Variants in PDE11A observed in about 807,000 individuals in gnomAD.
PDE11A encodes dual 3',5'-cyclic-AMP and -GMP phosphodiesterase 11A.
In PDE11A, 100 loss-of-function variants were observed where a neutral mutation model predicts 100.5. The observed-to-expected ratio is 1.00, with a 90% CI of 0.85 to 1.18. PDE11A has a LOEUF of 1.18. Ranked by LOEUF, PDE11A falls within the 50% of genes most tolerant of loss-of-function variation. The probability of loss-of-function intolerance (pLI) is 0.00; values close to 1 mark genes in which losing one functional copy is unlikely to be tolerated. For synonymous variants in PDE11A, 381 were observed against 420.8 expected, an observed-to-expected ratio of 0.91 and a Z score of 1.16; for missense variants, 1,141 against 1,152.6, an observed-to-expected ratio of 0.99 and a Z score of 0.15.
chr2:177,769,361 G>T lies in PDE11A; in HGVS notation c.1750C>A (p.His584Asn). 6.3e-7 allele frequency: 1 copy of T among 1,586,668 alleles called. No individual in the cohort carries two copies. The highest frequency in any genetic ancestry group is 8.7e-7 in the Non-Finnish European group (1 of 1,155,308). The change falls in exon 10 of 20, where the codon CAT becomes AAT. Residue 584 changes from histidine (H) to asparagine (N), a missense_variant. Physicochemically the swap from His to Asn is moderately conservative, Grantham distance 68. Coordinates refer to ENST00000286063, the MANE Select transcript of PDE11A (RefSeq NM_016953.4). ...QSVALDVLSYHATCSKAEVDK... is the reference protein window; with the variant it reads ...QSVALDVLSYNATCSKAEVDK... ...ACTTCAGCTTTTGAACATGTTGCAT[G>T]GTATGATAGCACCTGATTCAGAAGA... is the stretch of plus-strand genomic sequence containing the variant.
intron 10 of PDE11A, among the ~76,000 whole-genome samples, chr2:177,735,995 C>A (rs2081773850): frequency 6.6e-6 from 1 of 152,212 alleles, no homozygotes; most frequent in South Asian, 2.1e-4. Flanking sequence ...TCAGTGTTTC[C>A]TTTTCCCTTT....
At chr2:177,912,578 C>A (rs774653137) in intron 2 of PDE11A, among the ~76,000 whole-genome samples, 5 of 152,122 alleles carry the variant, frequency 3.3e-5, no homozygotes, top group Non-Finnish European at 5.9e-5. Flanking sequence ...TGTCTGGGGG[C>A]AGTTTTTAAT....
chr2:178,018,177 G>A lies in PDE11A; in HGVS notation c.913-3717C>T, dbSNP rs149129210. 8.7e-3 allele frequency: 2,793 copies of A among 321,516 alleles called. 26 individuals are homozygous for A. Among genetic ancestry groups the A allele is most frequent in the Non-Finnish European group, 0.012 (1,883 of 163,000 alleles). The allele number at this position is 321,516 out of a possible 1,614,324, so 19.9% of individuals were successfully genotyped here. A position where few individuals can be genotyped will look rare whatever the true frequency, so the allele number is the denominator to read the frequency against. ...GCCGCCATTCTGTTTCCAAGGCTGC[G>A]TCTGTCCACTGGACTGGTGACGGGG... On this transcript the variant is annotated intron_variant, in intron 1 of 19. Coordinates refer to ENST00000286063, the MANE Select transcript of PDE11A (RefSeq NM_016953.4).
chr2:178,072,310 CTG>C lies in PDE11A; in HGVS notation c.126_127del (p.His42GlnfsTer97), dbSNP rs1416120269. 3.7e-6 allele frequency: 6 copies of C among 1,614,156 alleles called. No individual in the cohort carries two copies. In the African/African-American group the frequency reaches 4.0e-5, roughly 11 times the overall value. On this transcript the variant is annotated frameshift_variant, in exon 1 of 20. Transcript: ENST00000286063. LOFTEE classifies it high-confidence loss of function. ...TGGACCTAAAGCCCCCTGACCCTGA[CTG>C]TGCCTCTGCAGCCACTTTTCAACCA...
intron 2 of PDE11A, among the ~76,000 whole-genome samples, chr2:177,907,595 G>A (rs147536910): frequency 6.6e-6 from 1 of 152,276 alleles, no homozygotes; most frequent in African/African-American, 2.4e-5. Flanking sequence ...AATTCTCTAT[G>A]GATATTTTAT....
At chr2:177,780,109 G>T (rs2082433352) in intron 9 of PDE11A, among the ~76,000 whole-genome samples, 1 of 152,168 alleles carries the variant, frequency 6.6e-6, no homozygotes, top group Admixed American at 6.5e-5. Context: ...GTAATATTTT[G>T]AAAGGAATCT....
intron 10 of PDE11A, among the ~76,000 whole-genome samples, chr2:177,733,343 T>C (rs1440632086): frequency 6.6e-6 from 1 of 152,202 alleles, no homozygotes; most frequent in Non-Finnish European, 1.5e-5. Context: ...GGAGCTAATT[T>C]GAATAATGTT....
At chr2:177,949,240 A>G (rs1038091943) in intron 2 of PDE11A, among the ~76,000 whole-genome samples, 3 of 151,984 alleles carry the variant, frequency 2.0e-5, no homozygotes, top group Non-Finnish European at 4.4e-5. Context: ...CTGTTACACA[A>G]TCACTTCTAT....
At chr2:177,868,925 T>C (rs991998238) in intron 5 of PDE11A, among the ~76,000 whole-genome samples, 3 of 152,250 alleles carry the variant, frequency 2.0e-5, no homozygotes, top group African/African-American at 7.2e-5. Flanking sequence ...TGCAGATACA[T>C]GTCTAAAAAT....
intron 1 of PDE11A, 106 bp from the exon 2 acceptor site, chr2:178,014,566 C>T: frequency 1.2e-6 from 1 of 844,228 alleles, no homozygotes; most frequent in Non-Finnish European, 2.0e-6. Context: ...GGAACTAGCC[C>T]CATGAATTTT....
intron 1 of PDE11A, among the ~76,000 whole-genome samples, chr2:178,070,396 C>T (rs1198566630): frequency 1.3e-5 from 2 of 152,084 alleles, no homozygotes; most frequent in Non-Finnish European, 2.9e-5. Context: ...TAAAATTTTA[C>T]CTTTAGTGTC....
intron 10 of PDE11A, among the ~76,000 whole-genome samples, chr2:177,765,626 TTCTA>T (rs1426762794): frequency 6.6e-6 from 1 of 152,182 alleles, no homozygotes. Context: ...CACTGACCCA[TTCTA>T]TCGGGAGCAT....
intron 5 of PDE11A, among the ~76,000 whole-genome samples, chr2:177,848,719 A>C (rs747663806): frequency 2.0e-5 from 3 of 152,204 alleles, no homozygotes; most frequent in Non-Finnish European, 4.4e-5. Flanking sequence ...TGAGGTATAT[A>C]TAAACCTCAG....
chr2:177,799,581 A>T (rs774177284), intron 9 of PDE11A, among the ~76,000 whole-genome samples: 1 of 152,178 alleles, frequency 6.6e-6, no homozygotes, highest in Non-Finnish European at 1.5e-5. Flanking sequence ...ATAACCTACT[A>T]CTAGAATATG....
intron 15 of PDE11A, among the ~76,000 whole-genome samples, chr2:177,690,958 C>T (rs2081032575): frequency 6.6e-6 from 1 of 152,200 alleles, no homozygotes. Context: ...CTACCTTGCA[C>T]ATTGATATGA....
At chr2:177,700,794 AGTT>A (rs2105540402) in intron 14 of PDE11A, among the ~76,000 whole-genome samples, 1 of 152,324 alleles carries the variant, frequency 6.6e-6, no homozygotes, top group South Asian at 2.1e-4. Flanking sequence ...ATTTGGATCA[AGTT>A]GTTCCCTTAG....
chr2:177,722,860 A>G (rs2081550424), intron 12 of PDE11A, among the ~76,000 whole-genome samples: 1 of 152,126 alleles, frequency 6.6e-6, no homozygotes, highest in Non-Finnish European at 1.5e-5. Context: ...ACAAGTTACT[A>G]CTTTTTTGAT....
chr2:177,791,792 A>G (rs950319387), intron 9 of PDE11A, among the ~76,000 whole-genome samples: 1 of 152,152 alleles, frequency 6.6e-6, no homozygotes, highest in Non-Finnish European at 1.5e-5. Context: ...ATATTTTGTT[A>G]CCTATAGGAG....
intron 10 of PDE11A, among the ~76,000 whole-genome samples, chr2:177,735,873 C>T (rs183471752): frequency 1.9e-3 from 285 of 152,326 alleles, no homozygotes; most frequent in Non-Finnish European, 2.9e-3. Context: ...AGTGACCAGT[C>T]TCCATTCTCT....
Sources: gnomAD v4.1 joint callset for allele counts (sites outside exome capture counted in the v4.1 genomes callset) on GRCh38, gnomAD v4.1.1 for gene constraint, MANE v1.5 for transcripts, NCBI Gene and HGNC (gene_info 2026-07-23, HGNC 2026-07-21) for gene names.